PTPRK: variants seen among roughly 807,000 people sequenced by gnomAD.
PTPRK encodes the protein protein tyrosine phosphatase receptor type K.
A neutral mutation model predicts 178.0 loss-of-function variants in PTPRK; 75 were observed. That is an observed-to-expected ratio of 0.42 (90% CI 0.35 to 0.51). The LOEUF (loss-of-function observed/expected upper bound fraction) is 0.51, where lower values mean the gene tolerates loss of function less well. Ranked by LOEUF, PTPRK falls within the 20% of genes least tolerant of loss-of-function variation. The pLI is 0.02. For missense variants in PTPRK, 1,441 were observed against 1,797.8 expected (o/e 0.80, Z 3.59); for synonymous variants, 637 against 620.6 (o/e 1.03, Z -0.39).
At chr6:128,103,606 T>C (rs762561536) in intron 7 of PTPRK, among the ~76,000 whole-genome samples, 2 of 152,168 alleles carry the variant, frequency 1.3e-5, no homozygotes, top group Non-Finnish European at 2.9e-5. Context: ...CATCCTGCGA[T>C]AGGGGTCACA....
intron 15 of PTPRK, chr6:128,001,274 C>A: frequency 3.9e-6 from 5 of 1,294,936 alleles, no homozygotes; most frequent in South Asian, 1.4e-5. Flanking sequence ...AGTTTCTAAG[C>A]CCTTTTAAAT....
intron 5 of PTPRK, chr6:128,238,257 A>T (rs1813721627): frequency 2.6e-6 from 1 of 387,110 alleles, no homozygotes; most frequent in Non-Finnish European, 4.9e-6. Flanking sequence ...GAAGTTTCAT[A>T]GAATATTTTA....
chr6:128,088,142 C>T (rs1022778310), intron 8 of PTPRK, among the ~76,000 whole-genome samples: 9 of 152,132 alleles, frequency 5.9e-5, no homozygotes, highest in Admixed American at 2.0e-4. Context: ...CTTTGGGAGG[C>T]GGAGGCGGGT....
intron 6 of PTPRK, among the ~76,000 whole-genome samples, chr6:128,208,709 TGA>T (rs1807452528): frequency 6.6e-6 from 1 of 152,154 alleles, no homozygotes; most frequent in African/African-American, 2.4e-5. Flanking sequence ...CTAAAGGCTA[TGA>T]AATGGAAACT....
intron 18 of PTPRK, 76 bp from the exon 19 acceptor site, chr6:127,992,785 A>T: frequency 8.5e-7 from 1 of 1,175,578 alleles, no homozygotes; most frequent in Non-Finnish European, 1.2e-6. Context: ...AAAAAGATGA[A>T]GACAACCACC....
At chr6:128,276,349 C>G (rs1308616528) in intron 3 of PTPRK, among the ~76,000 whole-genome samples, 1 of 152,034 alleles carries the variant, frequency 6.6e-6, no homozygotes, top group African/African-American at 2.4e-5. Context: ...TTATCCTTTT[C>G]TACTGCAGAT....
At chr6:128,380,165 C>A (rs1049917060) in intron 2 of PTPRK, among the ~76,000 whole-genome samples, 4 of 152,042 alleles carry the variant, frequency 2.6e-5, no homozygotes, top group Middle Eastern at 3.4e-3. Flanking sequence ...ACAGAAAAAA[C>A]CTACAGATAT....
intron 3 of PTPRK, among the ~76,000 whole-genome samples, chr6:128,277,755 A>G (rs1278521189): frequency 6.6e-6 from 1 of 152,210 alleles, no homozygotes; most frequent in Non-Finnish European, 1.5e-5. Flanking sequence ...GCTGTCTTGA[A>G]TTAATTCTAG....
At chr6:128,445,072 T>C (rs897895006) in intron 1 of PTPRK, among the ~76,000 whole-genome samples, 4 of 151,468 alleles carry the variant, frequency 2.6e-5, no homozygotes, top group South Asian at 2.1e-4. Flanking sequence ...CTTTCTATTA[T>C]AGAATAAAAG....
intron 13 of PTPRK, among the ~76,000 whole-genome samples, chr6:128,016,750 T>G (rs1324851777): frequency 1.3e-5 from 2 of 152,046 alleles, no homozygotes; most frequent in East Asian, 1.9e-4. Context: ...TTTGAAAGTT[T>G]TAAAAGAGTC....
intron 1 of PTPRK, among the ~76,000 whole-genome samples, chr6:128,411,433 G>A (rs1366681363): frequency 1.3e-5 from 2 of 152,186 alleles, no homozygotes; most frequent in African/African-American, 4.8e-5. Context: ...TTTTCCCAGA[G>A]AGAAAGTAGG....
chr6:128,213,438 G>C (rs1167089533), intron 6 of PTPRK, among the ~76,000 whole-genome samples: 19 of 151,994 alleles, frequency 1.3e-4, no homozygotes. Context: ...GGTAAAATTA[G>C]TATGTGATTC....
At chr6:128,032,168 C>T (rs1775454827) in intron 13 of PTPRK, among the ~76,000 whole-genome samples, 1 of 152,214 alleles carries the variant, frequency 6.6e-6, no homozygotes, top group South Asian at 2.1e-4. Flanking sequence ...CCTGAGGCAT[C>T]CTCGGGCTGC....
chr6:128,317,007 T>C (rs72969074), intron 3 of PTPRK, among the ~76,000 whole-genome samples: 12,215 of 152,240 alleles, frequency 0.08, 570 homozygotes, highest in African/African-American at 0.12. Flanking sequence ...AGCAAAGATG[T>C]TTTGTTAATA....
At chr6:128,381,950 C>G (rs568310878) in intron 2 of PTPRK, among the ~76,000 whole-genome samples, 2 of 151,882 alleles carry the variant, frequency 1.3e-5, no homozygotes, top group South Asian at 2.1e-4. Flanking sequence ...CTTTGGAAGG[C>G]TGAGGTGGAT....
chr6:128,127,718 T>A (rs1793607232), intron 7 of PTPRK, among the ~76,000 whole-genome samples: 1 of 152,202 alleles, frequency 6.6e-6, no homozygotes, highest in Non-Finnish European at 1.5e-5. Flanking sequence ...AAACTCAATG[T>A]CTGACTAAGC....
chr6:128,203,913 G>C lies in PTPRK; in HGVS notation c.868+15009C>G, dbSNP rs556184645. Among the ~76,000 whole-genome samples the C allele has an allele frequency of 3.9e-5, 6 of 151,960 alleles. No homozygotes were observed. The South Asian group carries it at 1.2e-3, about 32-fold the overall frequency. ...ACTATTGATGTTCCTCATAAAATTA[G>C]AAAAAAACTATTTTAAAATTCATAT... On this transcript the variant is annotated intron_variant, in intron 6 of 29. Transcript: ENST00000368226.
At chr6:128,421,502 C>T (rs1270003382) in intron 1 of PTPRK, among the ~76,000 whole-genome samples, 1 of 151,996 alleles carries the variant, frequency 6.6e-6, no homozygotes, top group Non-Finnish European at 1.5e-5. Context: ...TGGTAATACT[C>T]CTCTGACAAA....
At chr6:128,492,403 C>G (rs1216534015) in intron 1 of PTPRK, among the ~76,000 whole-genome samples, 1 of 152,178 alleles carries the variant, frequency 6.6e-6, no homozygotes, top group Non-Finnish European at 1.5e-5. Context: ...ATTTAAGCAA[C>G]TGCCTACTCA....
Sources: gnomAD v4.1 joint callset for allele counts (sites outside exome capture counted in the v4.1 genomes callset) on GRCh38, gnomAD v4.1.1 for gene constraint, MANE v1.5 for transcripts, NCBI Gene and HGNC (gene_info 2026-07-23, HGNC 2026-07-21) for gene names.